The following TBC1D1 variants were observed in gnomAD, a reference collection of about 807,000 sequenced individuals.
TBC1D1 encodes the protein TBC1 domain family member 1, also known as TBC1 (tre-2/USP6, BUB2, cdc16) domain family, member 1.
A neutral mutation model predicts 125.6 loss-of-function variants in TBC1D1; 89 were observed. That is an observed-to-expected ratio of 0.71 (90% CI 0.60 to 0.85). The LOEUF (loss-of-function observed/expected upper bound fraction) is 0.85, where lower values mean the gene tolerates loss of function less well. Ranked by LOEUF, TBC1D1 falls within the 40% of genes least tolerant of loss-of-function variation. TBC1D1 has a pLI of 0.00. For missense variants in TBC1D1, 1,377 were observed against 1,469.2 expected, an observed-to-expected ratio of 0.94 and a Z score of 1.03; for synonymous variants, 565 against 564.1, an observed-to-expected ratio of 1.00 and a Z score of -0.02.
At chr4:37,999,292 A>G (rs981422978) in intron 2 of TBC1D1, among the ~76,000 whole-genome samples, 1 of 152,162 alleles carries the variant, frequency 6.6e-6, no homozygotes, top group African/African-American at 2.4e-5. Context: ...GAAGGGTTTT[A>G]TGTTTCTTTC....
chr4:37,892,651 G>T (rs1000887907), intron 1 of TBC1D1, among the ~76,000 whole-genome samples: 3 of 152,194 alleles, frequency 2.0e-5, no homozygotes, highest in Non-Finnish European at 4.4e-5. Context: ...CGTTTTCAAA[G>T]GAAAATTTTG....
At chr4:37,934,933 C>T (rs1177586154) in intron 2 of TBC1D1, among the ~76,000 whole-genome samples, 3 of 151,928 alleles carry the variant, frequency 2.0e-5, no homozygotes, top group African/African-American at 7.3e-5. Flanking sequence ...TATTCTGTGA[C>T]CCCAGCTGAC....
chr4:38,124,185 A>G (rs1694946720), intron 17 of TBC1D1, among the ~76,000 whole-genome samples: 1 of 141,530 alleles, frequency 7.1e-6, no homozygotes, highest in Non-Finnish European at 1.5e-5. Flanking sequence ...ATAATTAGTT[A>G]TCGTGGCTCT....
At chr4:38,045,343 T>C (rs376430543) in intron 9 of TBC1D1, among the ~76,000 whole-genome samples, 2 of 152,358 alleles carry the variant, frequency 1.3e-5, no homozygotes, top group East Asian at 3.9e-4. Flanking sequence ...TTTTATTTTC[T>C]TCGAAGATGT....
chr4:38,054,766 G>A (rs1751369891), intron 12 of TBC1D1, among the ~76,000 whole-genome samples: 2 of 152,204 alleles, frequency 1.3e-5, no homozygotes, highest in Non-Finnish European at 2.9e-5. Context: ...CGGGCAACTT[G>A]AGAGATGAAG....
At chr4:38,055,182 A>G (rs1266539309) in intron 12 of TBC1D1, 1 of 152,180 alleles carries the variant, frequency 6.6e-6, no homozygotes, top group Non-Finnish European at 1.5e-5. Context: ...GAAACAGTTG[A>G]CAACTGCCTG....
intron 2 of TBC1D1, among the ~76,000 whole-genome samples, chr4:37,929,657 C>G (rs1220462114): frequency 3.3e-5 from 5 of 152,156 alleles, no homozygotes; most frequent in African/African-American, 1.2e-4. Context: ...AGATAACATC[C>G]TTGGCATATG....
At chr4:37,931,610 T>C (rs1391277797) in intron 2 of TBC1D1, among the ~76,000 whole-genome samples, 1 of 151,804 alleles carries the variant, frequency 6.6e-6, no homozygotes, top group Non-Finnish European at 1.5e-5. Flanking sequence ...CCTGAGTAGC[T>C]GGGATTACAG....
At chr4:38,006,922 G>T (rs1295674749) in intron 2 of TBC1D1, 2 of 452,844 alleles carry the variant, frequency 4.4e-6, no homozygotes, top group Non-Finnish European at 8.8e-6. Context: ...GTGTTCCCAT[G>T]AGTGTGGAGT....
intron 9 of TBC1D1, 129 bp from the exon 10 acceptor site, chr4:38,045,688 A>G (rs1749306155): frequency 1.5e-6 from 1 of 651,084 alleles, no homozygotes; most frequent in South Asian, 1.9e-5. Flanking sequence ...ATGTACAAAT[A>G]TCCTTAGTAG....
intron 12 of TBC1D1, among the ~76,000 whole-genome samples, chr4:38,064,228 T>G (rs1444756847): frequency 1.3e-5 from 2 of 152,256 alleles, no homozygotes; most frequent in African/African-American, 4.8e-5. Flanking sequence ...GGTTTATCCT[T>G]TACCAGTCGA....
At chr4:38,082,259 G>A (rs1454735170) in intron 12 of TBC1D1, among the ~76,000 whole-genome samples, 2 of 152,188 alleles carry the variant, frequency 1.3e-5, no homozygotes, top group Middle Eastern at 6.3e-3. Context: ...CTGCTGGTGG[G>A]AAGTCCCTGG....
chr4:37,913,014 A>G (rs1170221158), intron 2 of TBC1D1, among the ~76,000 whole-genome samples: 5 of 152,180 alleles, frequency 3.3e-5, no homozygotes, highest in Non-Finnish European at 7.3e-5. Flanking sequence ...AGATGAGGGA[A>G]ACTAGTTAGG....
At chr4:38,021,435 G>A (rs1744004678) in intron 5 of TBC1D1, 151 bp from the exon 6 acceptor site, 2 of 595,612 alleles carry the variant, frequency 3.4e-6, no homozygotes, top group Non-Finnish European at 5.4e-6. Context: ...AATCCTAGCT[G>A]TTATTCCAAT....
At position 38,038,949 on chromosome 4, in the gene TBC1D1, A is replaced by G. The variant is rs541542914; in HGVS notation, c.1413+3251A>G. On this transcript the variant is annotated intron_variant, in intron 8 of 19. Coordinates refer to ENST00000261439, the MANE Select transcript of TBC1D1 (RefSeq NM_015173.4). Reference sequence around the variant, plus strand: ...CGACAGAGAGAGACTCCCTCTCGGGAAAAAAAAAAAAATTTCATCCTACCA... The same window carrying G: ...CGACAGAGAGAGACTCCCTCTCGGGGAAAAAAAAAAAATTTCATCCTACCA... Among the ~76,000 whole-genome samples the G allele has an allele frequency of 5.2e-4, 63 of 120,168 alleles. 1 individual carries two copies. Among genetic ancestry groups the G allele is most frequent in the Middle Eastern group, 4.1e-3 (1 of 246 alleles). The allele number at this position is 120,168 out of a possible 152,430, so 78.8% of individuals were successfully genotyped here.
Position 38,138,427 on chromosome 4 carries a change from A to C in TBC1D1, c.*1092A>C, listed in dbSNP as rs562895139. On this transcript the variant is annotated 3_prime_UTR_variant, in exon 20 of 20. Transcript: ENST00000261439. ...TTGCAGAAGGAGTAGGCACATCAAG[A>C]TATTCAGGGGTGCCCCAAGAGTCTG... The C allele has an allele frequency of 6.6e-6, 1 of 152,554 alleles. No homozygotes were observed. The highest frequency in any genetic ancestry group is 2.4e-5 in the African/African-American group (1 of 41,472). The allele number at this position is 152,554 out of a possible 1,614,324, so 9.5% of individuals were successfully genotyped here. A position where few individuals can be genotyped will look rare whatever the true frequency, so the allele number is the denominator to read the frequency against.
intron 1 of TBC1D1, among the ~76,000 whole-genome samples, chr4:37,895,782 C>G (rs551892390): frequency 6.6e-6 from 1 of 152,268 alleles, no homozygotes; most frequent in African/African-American, 2.4e-5. Flanking sequence ...GAAAGGCACA[C>G]CCCAGTACTA....
intron 14 of TBC1D1, 128 bp downstream of exon 16, chr4:38,096,218 T>C (rs144262038): frequency 5.7e-6 from 4 of 705,782 alleles, no homozygotes; most frequent in African/African-American, 5.3e-5. Flanking sequence ...CATCTTAATC[T>C]ATTTCCATAT....
At chr4:38,122,163 A>G (rs150560257) in intron 17 of TBC1D1, among the ~76,000 whole-genome samples, 1 of 152,310 alleles carries the variant, frequency 6.6e-6, no homozygotes, top group East Asian at 1.9e-4. Context: ...TCTGGCAGGA[A>G]TCAATCAGCG....
Sources: gnomAD v4.1 joint callset for allele counts (sites outside exome capture counted in the v4.1 genomes callset) on GRCh38, gnomAD v4.1.1 for gene constraint, MANE v1.5 for transcripts, NCBI Gene and HGNC (gene_info 2026-07-23, HGNC 2026-07-21) for gene names.